The following CPS1 variants were observed in gnomAD, a reference collection of about 807,000 sequenced individuals.
The protein encoded by CPS1 is carbamoyl-phosphate synthase [ammonia], mitochondrial.
Under a neutral mutation model 174.6 loss-of-function variants are expected in CPS1, and 109 were observed. That is an observed-to-expected ratio of 0.62 (90% CI 0.53 to 0.73). CPS1 has a LOEUF of 0.73. Ranked by LOEUF, CPS1 falls within the 30% of genes least tolerant of loss-of-function variation. The pLI is 0.00. For missense variants in CPS1, 1,689 were observed against 1,821.9 expected, an observed-to-expected ratio of 0.93 and a Z score of 1.33; for synonymous variants, 637 against 632.0, an observed-to-expected ratio of 1.01 and a Z score of -0.12.
intron 1 of CPS1, among the ~76,000 whole-genome samples, chr2:210,532,173 G>A (rs949202481): frequency 2.6e-5 from 4 of 152,104 alleles, no homozygotes; most frequent in African/African-American, 9.7e-5. Flanking sequence ...AAAGAACTAT[G>A]AGGCATTTTA....
intron 1 of CPS1, among the ~76,000 whole-genome samples, chr2:210,561,460 T>C (rs1437783845): frequency 6.6e-6 from 1 of 152,198 alleles, no homozygotes; most frequent in East Asian, 1.9e-4. Flanking sequence ...CATTAGGTCT[T>C]ATTGCTATGG....
chr2:210,674,820 A>G (rs2105942670), intron 34 of CPS1, 82 bp from the exon 35 acceptor site: 1 of 1,096,852 alleles, frequency 9.1e-7, no homozygotes, highest in Non-Finnish European at 1.4e-6. Flanking sequence ...ATTGTCTTTT[A>G]AGATGTTGTA....
chr2:210,668,004 A>G (rs1180312559), intron 33 of CPS1, among the ~76,000 whole-genome samples, 182 bp from the exon 34 acceptor site: 1 of 152,068 alleles, frequency 6.6e-6, no homozygotes, highest in Admixed American at 6.6e-5. Flanking sequence ...TTCAGATTGC[A>G]CAGGCTTTGG....
chr2:210,592,113 C>T, intron 10 of CPS1, 144 bp downstream of exon 10: 1 of 927,224 alleles, frequency 1.1e-6, no homozygotes, highest in Non-Finnish European at 1.6e-6. Context: ...TCAAATCACA[C>T]TAGGATAACC....
At chr2:210,537,807 A>G (rs913767740) in intron 1 of CPS1, among the ~76,000 whole-genome samples, 1 of 151,928 alleles carries the variant, frequency 6.6e-6, no homozygotes, top group African/African-American at 2.4e-5. Context: ...TTATCCTACA[A>G]GACATGTGCT....
intron 21 of CPS1, among the ~76,000 whole-genome samples, chr2:210,630,988 G>A (rs748195976): frequency 1.3e-5 from 2 of 149,988 alleles, no homozygotes; most frequent in Non-Finnish European, 3.0e-5. Context: ...ATTACTGAAC[G>A]TCAGGCTTAG....
chr2:210,545,491 A>C (rs182313652), intron 1 of CPS1, among the ~76,000 whole-genome samples: 66 of 152,068 alleles, frequency 4.3e-4, no homozygotes, highest in African/African-American at 1.5e-3. Flanking sequence ...TAAATGTATG[A>C]ATTTATACAT....
Position 210,652,486 on chromosome 2 carries a change from A to G in CPS1, c.3481-1539A>G, listed in dbSNP as rs576851782. 1.1e-3 allele frequency among the ~76,000 whole-genome samples: 164 copies of G among 152,302 alleles called. 1 individual carries two copies. The highest frequency in any genetic ancestry group is 2.0e-3 in the Non-Finnish European group (135 of 68,014). On this transcript the variant is annotated intron_variant, in intron 28 of 37. Coordinates refer to ENST00000233072, the MANE Select transcript of CPS1 (RefSeq NM_001875.5). ...AAAGATGGAGAGAAATAGTAAGAAC[A>G]TGCATTGAAAAGAATTAGTGAATGA...
At chr2:210,668,321 T>C in intron 34 of CPS1, 37 bp downstream of exon 34, 3 of 1,388,496 alleles carry the variant, frequency 2.2e-6, no homozygotes, top group Non-Finnish European at 3.1e-6. Flanking sequence ...CCCATGGTCA[T>C]ACATGGTGAG....
At chr2:210,491,198 G>T (rs1161640587) in intron 1 of CPS1, among the ~76,000 whole-genome samples, 1 of 148,576 alleles carries the variant, frequency 6.7e-6, no homozygotes, top group Non-Finnish European at 1.5e-5. Flanking sequence ...TTTTTGTTTT[G>T]TTTCTTAGGA....
At chr2:210,554,934 C>T (rs1377297096), upstream of CPS1, among the ~76,000 whole-genome samples, 2 of 151,762 alleles carry the variant, frequency 1.3e-5, no homozygotes, top group African/African-American at 4.8e-5. Context: ...TACTGCTTCT[C>T]AGTCCTCAGT....
rs2105898820 is a variant in CPS1, at chr2:210,640,046, T to A, written c.2946T>A (p.Gly982=). Residue 982 remains glycine (G), a synonymous_variant, in exon 24 of 38, where the codon GGT becomes GGA. Transcript: ENST00000233072. ...DDHGMMVLGC[G]PYHIGSSVEF... Reference sequence around the variant, plus strand: ...ATGGAATGATGGTGCTAGGCTGTGGTCCATATCACATTGGTAAAATAATAA... The same window carrying A: ...ATGGAATGATGGTGCTAGGCTGTGGACCATATCACATTGGTAAAATAATAA... 6.2e-7 allele frequency: 1 copy of A among 1,604,398 alleles called. No individual in the cohort carries two copies. The highest frequency in any genetic ancestry group is 8.5e-7 in the Non-Finnish European group (1 of 1,171,724).
chr2:210,602,480 CTT>C (rs1698762008), intron 16 of CPS1, 150 bp downstream of exon 16: 1 of 1,020,686 alleles, frequency 9.8e-7, no homozygotes. Flanking sequence ...AAAGATGACA[CTT>C]TTGCGAGAGC....
Position 210,576,461 on chromosome 2 carries a change from A to C in CPS1, c.352A>C (p.Ser118Arg). 1 of 1,613,670 alleles carries C rather than the reference A, an allele frequency of 6.2e-7. No individual in the cohort carries two copies. Among genetic ancestry groups the C allele is most frequent in the Non-Finnish European group, 8.5e-7 (1 of 1,179,670 alleles). The change falls in exon 3 of 38, where the codon AGC (serine) becomes CGC (arginine). Residue 118 changes from serine (S) to arginine (R), a missense_variant. Physicochemically the swap from Ser to Arg is moderately radical, Grantham distance 110. Coordinates refer to ENST00000233072, the MANE Select transcript of CPS1 (RefSeq NM_001875.5). Reference protein sequence around the residue: ...DTTALDELGLSKYLESNGIKV... With the variant: ...DTTALDELGLRKYLESNGIKV... ...TACTGCTCTGGATGAACTGGGACTT[A>C]GCAAATATTTGGAGTCTAATGGAAT...
At chr2:210,582,744 T>C (rs1383171994) in intron 6 of CPS1, 35 bp downstream of exon 6, 5 of 1,472,982 alleles carry the variant, frequency 3.4e-6, no homozygotes, top group Non-Finnish European at 4.8e-6. Flanking sequence ...GTAGTTTTAT[T>C]TGATCCCATT....
intron 30 of CPS1, 53 bp downstream of exon 30, chr2:210,656,685 C>T (rs370038082): frequency 1.7e-6 from 2 of 1,195,774 alleles, no homozygotes; most frequent in East Asian, 2.4e-5. Context: ...CAGAAAAAAA[C>T]ACCTAAGGTT....
intron 17 of CPS1, among the ~76,000 whole-genome samples, chr2:210,606,308 A>G (rs1559102362): frequency 6.6e-6 from 1 of 151,880 alleles, no homozygotes; most frequent in Non-Finnish European, 1.5e-5. Flanking sequence ...GGCAGAAGGG[A>G]TGGAGACTAA....
intron 1 of CPS1, among the ~76,000 whole-genome samples, chr2:210,498,147 T>C (rs72934320): frequency 0.2 from 30,942 of 151,760 alleles, 3,746 homozygotes; most frequent in Middle Eastern, 0.32. Context: ...TGGTTTTGAC[T>C]TGTGTTTCTC....
At chr2:210,605,721 G>A (rs1698884285) in intron 17 of CPS1, among the ~76,000 whole-genome samples, 1 of 151,864 alleles carries the variant, frequency 6.6e-6, no homozygotes, top group Non-Finnish European at 1.5e-5. Context: ...GTCAAAAAAG[G>A]GAGTTGAGAA....
Sources: gnomAD v4.1 joint callset for allele counts (sites outside exome capture counted in the v4.1 genomes callset) on GRCh38, gnomAD v4.1.1 for gene constraint, MANE v1.5 for transcripts, NCBI Gene and HGNC (gene_info 2026-07-23, HGNC 2026-07-21) for gene names.